FN1: variants seen among roughly 807,000 people sequenced by gnomAD.
The protein encoded by FN1 is fibronectin.
In FN1, 106 loss-of-function variants were observed where a neutral mutation model predicts 297.3. That is an observed-to-expected ratio of 0.36 (90% CI 0.30 to 0.42). The LOEUF (loss-of-function observed/expected upper bound fraction) is 0.42, where lower values mean the gene tolerates loss of function less well. FN1 is among the 10% of genes least tolerant of loss of function. The pLI, the probability that FN1 is intolerant of heterozygous loss-of-function variation, is 1.00. For synonymous variants in FN1, 1,149 were observed against 1,152.6 expected (o/e 1.00, Z 0.06); for missense variants, 2,690 against 3,124.9 (o/e 0.86, Z 3.32).
chr2:215,424,934 T>C (rs1255284150), intron 7 of FN1, among the ~76,000 whole-genome samples, 160 bp downstream of exon 7: 1 of 152,198 alleles, frequency 6.6e-6, no homozygotes, highest in Non-Finnish European at 1.5e-5. Context: ...ATTAAAAAGA[T>C]TGGAAGAAAC....
chr2:215,401,295 AGAGAGAAAGG>A (rs1328613568), intron 20 of FN1, among the ~76,000 whole-genome samples: 5 of 128,892 alleles, frequency 3.9e-5, no homozygotes, highest in African/African-American at 1.7e-4. Context: ...GAAAAGAGAG[AGAGAGAAAGG>A]AAGGAAGGAA....
chr2:215,401,632 G>T (rs1415062203), intron 20 of FN1, among the ~76,000 whole-genome samples: 1 of 152,114 alleles, frequency 6.6e-6, no homozygotes, highest in Non-Finnish European at 1.5e-5. Flanking sequence ...GCAAGACAAA[G>T]AATTAGTCTC....
intron 20 of FN1, among the ~76,000 whole-genome samples, chr2:215,400,195 G>GA (rs1036611202): frequency 6.9e-4 from 94 of 137,094 alleles, no homozygotes; most frequent in Admixed American, 2.2e-3. Context: ...CTCAAAAAAA[G>GA]AAAAAAAAAA....
rs931223572 is a variant in FN1 at position 215,368,160 on chromosome 2, T to C, written c.6854-133A>G. 1.3e-5 allele frequency: 13 copies of C among 981,934 alleles called. No individual in the cohort carries two copies. In the African/African-American group the frequency reaches 1.9e-4, roughly 15 times the overall value. The allele number at this position is 981,934 out of a possible 1,614,324, so 60.8% of individuals were successfully genotyped here. On this transcript the variant is annotated intron_variant, in intron 41 of 45. Transcript: ENST00000354785. ...TTCCAGGAGGATTAAGAGGCATTCA[T>C]CTGTTCTATCAAGGCATTAACTGCT...
chr2:215,410,941 TG>T (rs1485296581), intron 13 of FN1, among the ~76,000 whole-genome samples: 1 of 152,216 alleles, frequency 6.6e-6, no homozygotes, highest in Non-Finnish European at 1.5e-5. Context: ...GAAATGCCAA[TG>T]CCATATATTT....
At chr2:215,364,772 A>T (rs2106135983) in intron 44 of FN1, 107 bp downstream of exon 44, 1 of 753,150 alleles carries the variant, frequency 1.3e-6, no homozygotes, top group Non-Finnish European at 2.3e-6. Context: ...GTGGTATTTT[A>T]ATACTTCCGA....
chr2:215,426,304 A>G lies in FN1; in HGVS notation c.845-1019T>C, dbSNP rs373878920. ...GCTGGGACTACAGGCACCCGCCACC[A>G]CGCCCGGCTAATTTTTTGTATTTTT... On this transcript the variant is annotated intron_variant, in intron 6 of 45. Transcript: ENST00000354785. Among the ~76,000 whole-genome samples, 1,234 of 151,136 alleles carry G rather than the reference A, an allele frequency of 8.2e-3. 23 individuals are homozygous for G. The highest frequency in any genetic ancestry group is 0.028 in the African/African-American group (1,174 of 41,252).
chr2:215,397,104 G>GTA, intron 23 of FN1, 33 bp downstream of exon 23: 1 of 1,333,074 alleles, frequency 7.5e-7, no homozygotes, highest in Non-Finnish European at 1.1e-6. Context: ...AAGGTATGGT[G>GTA]TATACTTGCC....
chr2:215,432,599 T>G (rs748450904), intron 3 of FN1, among the ~76,000 whole-genome samples: 3 of 152,234 alleles, frequency 2.0e-5, no homozygotes, highest in Non-Finnish European at 4.4e-5. Flanking sequence ...CACACGGGAC[T>G]TGTTCTTTTG....
chr2:215,401,156 TAAGA>T (rs67320688), intron 20 of FN1, among the ~76,000 whole-genome samples: 56,366 of 125,428 alleles, frequency 0.45, 12,749 homozygotes, highest in South Asian at 0.58. Context: ...GCACCAAAAA[TAAGA>T]AAGAAAGAAA....
Position 215,362,294 on chromosome 2 carries a change from T to C in FN1, c.7252-215A>G, listed in dbSNP as rs543224167. 887 of 560,454 alleles carry C rather than the reference T, an allele frequency of 1.6e-3. 13 individuals carry two copies. The South Asian group carries it at 0.017, about 11-fold the overall frequency. 34.7% of individuals were successfully genotyped at this position (560,454 alleles called of 1,614,324 possible). On this transcript the variant is annotated intron_variant, in intron 44 of 45. Coordinates refer to ENST00000354785, the MANE Select transcript of FN1 (RefSeq NM_212482.4). The stretch of plus-strand genomic sequence containing the variant: ...TCTTATACCTACATCTGTCTCTCTA[T>C]GTTGTTTCTTTCTCCTGAAATGTCT...
chr2:215,383,932 T>G, intron 30 of FN1, 88 bp downstream of exon 30: 1 of 1,462,562 alleles, frequency 6.8e-7, no homozygotes, highest in South Asian at 1.2e-5. Flanking sequence ...AAATCTATTC[T>G]ACAATTAGAA....
intron 2 of FN1, 109 bp downstream of exon 2, chr2:215,434,587 T>C: frequency 7.8e-7 from 1 of 1,278,170 alleles, no homozygotes; most frequent in Non-Finnish European, 1.1e-6. Flanking sequence ...AAATGACAGG[T>C]AATTCTATTA....
chr2:215,367,726 G>T (rs763076466), intron 42 of FN1, 137 bp downstream of exon 42: 7 of 850,288 alleles, frequency 8.2e-6, no homozygotes, highest in African/African-American at 1.7e-5. Flanking sequence ...ATATTACTTC[G>T]AGTCAAACAG....
intron 17 of FN1, 146 bp downstream of exon 17, chr2:215,407,957 CACACA>C: frequency 1.0e-3 from 47 of 45,564 alleles, no homozygotes; most frequent in East Asian, 7.6e-3. Context: ...ACCCCCGCCA[CACACA>C]CACACACACA....
At chr2:215,396,110 G>A (rs902550505) in intron 23 of FN1, among the ~76,000 whole-genome samples, 7 of 152,132 alleles carry the variant, frequency 4.6e-5, no homozygotes, top group East Asian at 3.9e-4. Context: ...TCTGTGCCCC[G>A]GCAAAGATAA....
At position 215,408,268 on chromosome 2, in the gene FN1, T is replaced by G. The variant is rs1486488114; in HGVS notation, c.2428+30A>C. 4 of 1,613,942 alleles carry G rather than the reference T, an allele frequency of 2.5e-6. No individual in the cohort carries two copies. The African/African-American group carries it at 5.3e-5, about 22-fold the overall frequency. On this transcript the variant is annotated intron_variant, in intron 16 of 45. Coordinates refer to ENST00000354785, the MANE Select transcript of FN1 (RefSeq NM_212482.4). The stretch of plus-strand genomic sequence containing the variant: ...CAGGCCTGTGTTTTACAGAAAAAGA[T>G]TCTTTTAACACTATGTAGCACACAT...
chr2:215,395,103 C>T (rs1381637274), intron 23 of FN1, among the ~76,000 whole-genome samples: 1 of 152,078 alleles, frequency 6.6e-6, no homozygotes, highest in Non-Finnish European at 1.5e-5. Flanking sequence ...CTTAATGAAT[C>T]ATTTGAAGAC....
chr2:215,421,869 G>A (rs2064447073), intron 10 of FN1, among the ~76,000 whole-genome samples: 1 of 152,130 alleles, frequency 6.6e-6, no homozygotes, highest in Admixed American at 6.6e-5. Flanking sequence ...GTACTTACAT[G>A]CTAGGAGTGT....
Sources: allele counts gnomAD v4.1 joint callset (sites outside exome capture counted in the v4.1 genomes callset), GRCh38; gene constraint gnomAD v4.1.1; transcripts MANE v1.5; gene names NCBI Gene and HGNC (gene_info 2026-07-23, HGNC 2026-07-21).